The following SLIT1 variants were observed in gnomAD, a reference collection of about 807,000 sequenced individuals.
SLIT1 encodes the protein slit guidance ligand 1.
SLIT1 carries 66 observed loss-of-function variants against 186.1 expected under a neutral mutation model. The ratio of observed to expected loss-of-function variants is 0.35; its 90% CI spans 0.29 to 0.44. The LOEUF (loss-of-function observed/expected upper bound fraction) is 0.44. SLIT1 is among the 20% of genes least tolerant of loss of function. SLIT1 has a pLI of 1.00. For missense variants in SLIT1, 1,638 were observed against 2,037.4 expected, an observed-to-expected ratio of 0.80 and a Z score of 3.77; for synonymous variants, 761 against 833.8, an observed-to-expected ratio of 0.91 and a Z score of 1.50.
chr10:97,030,403 G>A (rs1848580451), intron 25 of SLIT1, among the ~76,000 whole-genome samples: 1 of 152,188 alleles, frequency 6.6e-6, no homozygotes, highest in Non-Finnish European at 1.5e-5. Flanking sequence ...CTTTGGGCAA[G>A]CATCCCACTT....
Position 97,003,210 on chromosome 10 carries a change from G to T in SLIT1, c.3866-218C>A, listed in dbSNP as rs975661021. On this transcript the variant is annotated intron_variant, in intron 34 of 36. Transcript: ENST00000266058. Reference sequence around the variant, plus strand: ...CTGCTTCCTCTGTGATTGGAGCTGGGGCATCAGGCCTGGTGGTGGCCAGCT... The same window carrying T: ...CTGCTTCCTCTGTGATTGGAGCTGGTGCATCAGGCCTGGTGGTGGCCAGCT... Among the ~76,000 whole-genome samples, 17 of 152,330 alleles carry T rather than the reference G, an allele frequency of 1.1e-4. No homozygotes were observed. The South Asian group carries it at 3.1e-3, about 28-fold the overall frequency.
chr10:97,106,530 T>C (rs1388844685), intron 4 of SLIT1, among the ~76,000 whole-genome samples: 1 of 152,228 alleles, frequency 6.6e-6, no homozygotes, highest in Non-Finnish European at 1.5e-5. Flanking sequence ...ACTTAGTGTT[T>C]ATTGCCCAGT....
In SLIT1 at chr10:97,025,839, CAA is replaced by C. The variant is rs954746503; in HGVS notation, c.2583-4428_2583-4427del. On this transcript the variant is annotated intron_variant, in intron 25 of 36. Coordinates refer to ENST00000266058, the MANE Select transcript of SLIT1 (RefSeq NM_003061.3). ...GAAATAGCGCCCCCTGGCTGTCTTA[CAA>C]GTCACAGAATCATCCATCCCACTCC... Among the ~76,000 whole-genome samples, 36 of 152,288 alleles carry C rather than the reference CAA, an allele frequency of 2.4e-4. 1 individual carries two copies. In the South Asian group the frequency reaches 3.3e-3, roughly 14 times the overall value.
chr10:97,137,250 G>A (rs80311149), intron 4 of SLIT1, among the ~76,000 whole-genome samples: 1 of 152,236 alleles, frequency 6.6e-6, no homozygotes, highest in East Asian at 1.9e-4. Context: ...CATCTTCGAG[G>A]CACACTCCTC....
chr10:97,011,651 C>T (rs1848411723), intron 30 of SLIT1, among the ~76,000 whole-genome samples: 1 of 152,204 alleles, frequency 6.6e-6, no homozygotes, highest in African/African-American at 2.4e-5. Flanking sequence ...TTCCCAGCTG[C>T]CACCATGCCT....
At chr10:97,170,711 G>A (rs1001390711) in intron 1 of SLIT1, among the ~76,000 whole-genome samples, 4 of 152,238 alleles carry the variant, frequency 2.6e-5, no homozygotes, top group African/African-American at 9.6e-5. Context: ...AGCCTGAAAG[G>A]AAAACCTCGG....
At chr10:97,164,738 C>T (rs1372590573) in intron 2 of SLIT1, 81 bp downstream of exon 2, 8 of 1,086,790 alleles carry the variant, frequency 7.4e-6, no homozygotes, top group Non-Finnish European at 9.9e-6. Flanking sequence ...GCCCACCACC[C>T]TACCACCCAC....
intron 25 of SLIT1, among the ~76,000 whole-genome samples, chr10:97,028,468 C>T (rs1848565524): frequency 6.6e-6 from 1 of 152,202 alleles, no homozygotes; most frequent in Non-Finnish European, 1.5e-5. Context: ...CTGCCCCAAC[C>T]AAACACCCTT....
chr10:97,058,907 T>G (rs777994692), intron 11 of SLIT1, among the ~76,000 whole-genome samples: 1 of 152,206 alleles, frequency 6.6e-6, no homozygotes, highest in Admixed American at 6.5e-5. Context: ...ACCTTTTGTA[T>G]GTTTTATTGA....
chr10:97,108,508 C>G (rs1021545396), intron 4 of SLIT1, among the ~76,000 whole-genome samples: 1 of 152,132 alleles, frequency 6.6e-6, no homozygotes, highest in Admixed American at 6.5e-5. Flanking sequence ...CCCAGCACAC[C>G]CCAATATCCA....
chr10:97,036,296 CA>C (rs1036825547), intron 22 of SLIT1, among the ~76,000 whole-genome samples: 2 of 152,172 alleles, frequency 1.3e-5, no homozygotes, highest in Non-Finnish European at 2.9e-5. Context: ...CTTCAGCCCC[CA>C]AGAGGCAGTT....
intron 17 of SLIT1, 23 bp from the exon 18 acceptor site, chr10:97,046,820 G>T: frequency 6.2e-7 from 1 of 1,608,240 alleles, no homozygotes. Flanking sequence ...GCGGGGGGAG[G>T]ATTACATATG....
intron 11 of SLIT1, chr10:97,057,959 G>A (rs1409183874): frequency 8.4e-6 from 6 of 717,276 alleles, no homozygotes; most frequent in South Asian, 1.5e-5. Context: ...CCTCGTAAAC[G>A]TTCAAGCTGA....
Position 97,185,573 on chromosome 10 carries a change from G to A in SLIT1, c.102C>T (p.Cys34=). The change falls in exon 1 of 37, where the codon TGC becomes TGT. Residue 34 remains cysteine (C), a synonymous_variant. Coordinates refer to ENST00000266058, the MANE Select transcript of SLIT1 (RefSeq NM_003061.3). The stretch of plus-strand genomic sequence containing the variant: ...TTCCGGTGCAGGTGCAGAGGGCGGG[G>A]CACGCCGAGGCACCCAGGCGCCACG... ...AAAWRLGASA[C]PALCTCTGTT... 6.2e-7 allele frequency: 1 copy of A among 1,606,192 alleles called. No individual in the cohort carries two copies. Among genetic ancestry groups the A allele is most frequent in the Non-Finnish European group, 8.5e-7 (1 of 1,177,442 alleles).
At chr10:97,173,799 G>C (rs1476674338) in intron 1 of SLIT1, among the ~76,000 whole-genome samples, 1 of 152,210 alleles carries the variant, frequency 6.6e-6, no homozygotes, top group South Asian at 2.1e-4. Flanking sequence ...GGAGACCTCA[G>C]CCCAGAAGGG....
intron 1 of SLIT1, among the ~76,000 whole-genome samples, chr10:97,172,059 TC>T (rs1452279670): frequency 1.3e-5 from 2 of 151,838 alleles, no homozygotes; most frequent in African/African-American, 4.8e-5. Flanking sequence ...TTTTTTTTTT[TC>T]GAGCCAGTGT....
At chr10:97,073,024 T>C (rs1849013958) in intron 4 of SLIT1, among the ~76,000 whole-genome samples, 1 of 152,212 alleles carries the variant, frequency 6.6e-6, no homozygotes, top group Admixed American at 6.5e-5. Context: ...GTTTCAAGCT[T>C]TCCCACGAGG....
At chr10:97,050,344 C>T (rs1030589125) in intron 13 of SLIT1, among the ~76,000 whole-genome samples, 3 of 152,194 alleles carry the variant, frequency 2.0e-5, no homozygotes, top group African/African-American at 7.2e-5. Flanking sequence ...AGGGTCTGTG[C>T]CCAGCTCACC....
chr10:97,172,101 G>A (rs1801121349), intron 1 of SLIT1, among the ~76,000 whole-genome samples: 1 of 151,560 alleles, frequency 6.6e-6, no homozygotes, highest in African/African-American at 2.4e-5. Flanking sequence ...AGAGTGCAGT[G>A]GTGCAATCTC....
Sources: gnomAD v4.1 joint callset for allele counts (sites outside exome capture counted in the v4.1 genomes callset) on GRCh38, gnomAD v4.1.1 for gene constraint, MANE v1.5 for transcripts, NCBI Gene and HGNC (gene_info 2026-07-23, HGNC 2026-07-21) for gene names.